The following CNTN3 variants were observed in gnomAD, a reference collection of about 807,000 sequenced individuals.
CNTN3 encodes the protein contactin 3.
Under a neutral mutation model 119.1 loss-of-function variants are expected in CNTN3, and 60 were observed. The observed-to-expected ratio is 0.50, with a 90% confidence interval of 0.41 to 0.62. The LOEUF is 0.62. Ranked by LOEUF, CNTN3 falls within the 20% of genes least tolerant of loss-of-function variation. CNTN3 has a pLI of 0.00. For synonymous variants in CNTN3, 450 were observed against 438.7 expected, an observed-to-expected ratio of 1.03 and a Z score of -0.32; for missense variants, 1,101 against 1,242.4, an observed-to-expected ratio of 0.89 and a Z score of 1.71.
intron 4 of CNTN3, among the ~76,000 whole-genome samples, chr3:74,465,678 C>T (rs1233737650): frequency 6.6e-6 from 1 of 152,184 alleles, no homozygotes; most frequent in Non-Finnish European, 1.5e-5. Context: ...AGCATCCACC[C>T]CTCTATCTGA....
intron 1 of CNTN3, among the ~76,000 whole-genome samples, chr3:74,545,399 T>G (rs1703900544): frequency 6.6e-6 from 1 of 152,202 alleles, no homozygotes; most frequent in South Asian, 2.1e-4. Context: ...CTTTTTGGAA[T>G]CCCTTCACAC....
At chr3:74,562,638 G>T (rs984695524) in intron 1 of CNTN3, among the ~76,000 whole-genome samples, 2 of 152,086 alleles carry the variant, frequency 1.3e-5, no homozygotes, top group Non-Finnish European at 2.9e-5. Context: ...TGGAAACACT[G>T]CCTGCACAGT....
chr3:74,445,433 T>C (rs1702033743), intron 4 of CNTN3, among the ~76,000 whole-genome samples: 1 of 152,078 alleles, frequency 6.6e-6, no homozygotes, highest in South Asian at 2.1e-4. Flanking sequence ...TGGCTAATTT[T>C]TGTATTTTTT....
chr3:74,600,158 A>G (rs1704885464), intron 1 of CNTN3, among the ~76,000 whole-genome samples: 1 of 152,110 alleles, frequency 6.6e-6, no homozygotes, highest in South Asian at 2.1e-4. Flanking sequence ...TCTGACCTAA[A>G]GAGCGGAGAA....
At chr3:74,530,257 T>C (rs1447336860) in intron 1 of CNTN3, among the ~76,000 whole-genome samples, 1 of 151,992 alleles carries the variant, frequency 6.6e-6, no homozygotes. Context: ...CGAAGTTTCC[T>C]GGACCACCAA....
At position 74,295,230 on chromosome 3, in the gene CNTN3, G is replaced by A; in HGVS notation, c.2408C>T (p.Thr803Ile). Residue 803 changes from threonine (T) to isoleucine (I), a missense_variant, in exon 19 of 23, where the codon ACA becomes ATA. Transcript: ENST00000263665. ...TTVFSAEEEPTVAPSQVSANS... is the reference protein window; with the variant it reads ...TTVFSAEEEPIVAPSQVSANS... The stretch of plus-strand genomic sequence containing the variant: ...TGCAGAGACTTGAGATGGGGCCACT[G>A]TAGGCTCTGTTCGGAAACAGAAATT... 6.3e-7 allele frequency: 1 copy of A among 1,583,434 alleles called. No homozygotes were observed. The highest frequency in any genetic ancestry group is 8.7e-7 in the Non-Finnish European group (1 of 1,154,454).
chr3:74,470,321 GAATTACACGGTATGT>G (rs748271906), intron 4 of CNTN3, among the ~76,000 whole-genome samples: 119 of 152,178 alleles, frequency 7.8e-4, no homozygotes, highest in South Asian at 2.5e-3. Context: ...TCTAAACAGG[GAATTACACGGTATGT>G]AAATTATATC....
chr3:74,573,288 CTTT>C (rs879506429), intron 1 of CNTN3, among the ~76,000 whole-genome samples: 3 of 143,408 alleles, frequency 2.1e-5, no homozygotes, highest in African/African-American at 2.6e-5. Context: ...AGAGTGCTTT[CTTT>C]TTTTTTTTTT....
chr3:74,598,823 T>A (rs1380195956), intron 1 of CNTN3, among the ~76,000 whole-genome samples: 1 of 152,018 alleles, frequency 6.6e-6, no homozygotes, highest in Non-Finnish European at 1.5e-5. Flanking sequence ...ATCCAGGTAG[T>A]GTGCTGGGCA....
At chr3:74,372,732 T>A (rs916477341) in intron 5 of CNTN3, among the ~76,000 whole-genome samples, 1 of 151,912 alleles carries the variant, frequency 6.6e-6, no homozygotes, top group Non-Finnish European at 1.5e-5. Flanking sequence ...CAAATAACAA[T>A]GAGATAAGGA....
intron 11 of CNTN3, among the ~76,000 whole-genome samples, chr3:74,338,266 G>T (rs1703442837): frequency 1.3e-5 from 2 of 151,956 alleles, no homozygotes; most frequent in East Asian, 3.9e-4. Flanking sequence ...CTAGAATGAA[G>T]GATCTCAATC....
rs534915962 is a variant in CNTN3 at position 74,390,282 on chromosome 3, T to C, written c.455-18883A>G. On this transcript the variant is annotated intron_variant, in intron 5 of 22. Coordinates refer to ENST00000263665, the MANE Select transcript of CNTN3 (RefSeq NM_020872.3). ...GCCCGGAATGTGGAATGTGGGCTTTTGTTCAAGGGTTTGACTAAATAGAAG... is the reference window on the plus strand; with the variant it reads ...GCCCGGAATGTGGAATGTGGGCTTTCGTTCAAGGGTTTGACTAAATAGAAG... Among the ~76,000 whole-genome samples the C allele has an allele frequency of 1.8e-4, 28 of 152,200 alleles. No homozygotes were observed. In the South Asian group the frequency reaches 5.8e-3, roughly 32 times the overall value.
intron 5 of CNTN3, among the ~76,000 whole-genome samples, chr3:74,400,199 C>A (rs935805908): frequency 6.6e-6 from 1 of 152,112 alleles, no homozygotes; most frequent in Non-Finnish European, 1.5e-5. Flanking sequence ...AAAAAATCTC[C>A]AAATTAACAT....
chr3:74,352,488 T>A (rs987176930), intron 11 of CNTN3, among the ~76,000 whole-genome samples: 1 of 152,318 alleles, frequency 6.6e-6, no homozygotes, highest in Admixed American at 6.5e-5. Flanking sequence ...TTCTAAAATG[T>A]CCCAGTTTGT....
At chr3:74,428,803 C>T (rs931462263) in intron 4 of CNTN3, among the ~76,000 whole-genome samples, 4 of 152,196 alleles carry the variant, frequency 2.6e-5, no homozygotes, top group Non-Finnish European at 5.9e-5. Flanking sequence ...GTCCCGCAAG[C>T]TCCATTCATG....
intron 1 of CNTN3, among the ~76,000 whole-genome samples, chr3:74,538,713 G>T (rs961108592): frequency 2.0e-5 from 3 of 152,098 alleles, no homozygotes; most frequent in African/African-American, 7.2e-5. Flanking sequence ...TTTGGTAGGT[G>T]GTGCTTTTCT....
At chr3:74,395,471 T>A (rs988620267) in intron 5 of CNTN3, among the ~76,000 whole-genome samples, 2 of 152,184 alleles carry the variant, frequency 1.3e-5, no homozygotes, top group Non-Finnish European at 2.9e-5. Flanking sequence ...TACCTATTTA[T>A]AAAGAATTTA....
At chr3:74,381,975 G>A (rs1490062511) in intron 5 of CNTN3, among the ~76,000 whole-genome samples, 2 of 152,066 alleles carry the variant, frequency 1.3e-5, no homozygotes, top group South Asian at 2.1e-4. Flanking sequence ...TTGGGAGGCC[G>A]AGGCGGGTGG....
chr3:74,362,998 T>C (rs1352381563), intron 10 of CNTN3, among the ~76,000 whole-genome samples: 1 of 152,200 alleles, frequency 6.6e-6, no homozygotes, highest in Non-Finnish European at 1.5e-5. Context: ...CAATCTTTTG[T>C]TTACGCACCT....
Sources: gnomAD v4.1 joint callset for allele counts (sites outside exome capture counted in the v4.1 genomes callset) on GRCh38, gnomAD v4.1.1 for gene constraint, MANE v1.5 for transcripts, NCBI Gene and HGNC (gene_info 2026-07-23, HGNC 2026-07-21) for gene names.